The following RSRP1 variants were observed in gnomAD, a reference collection of about 807,000 sequenced individuals.
RSRP1 encodes the protein arginine and serine rich protein 1, also known as arginine/serine-rich protein 1.
In RSRP1, 37 loss-of-function variants were observed where a neutral mutation model predicts 33.0. The observed-to-expected ratio is 1.12, with a 90% CI of 0.86 to 1.48. RSRP1 has a LOEUF of 1.48. Ranked by LOEUF, RSRP1 falls within the 40% of genes most tolerant of loss-of-function variation. RSRP1 has a pLI of 0.00. For synonymous variants in RSRP1, 167 were observed against 158.7 expected, an observed-to-expected ratio of 1.05 and a Z score of -0.40; for missense variants, 402 against 385.3, an observed-to-expected ratio of 1.04 and a Z score of -0.36.
chr1:25,296,010 A>G (rs1571647335), intron 1 of RSRP1, among the ~76,000 whole-genome samples: 1 of 117,794 alleles, frequency 8.5e-6, no homozygotes. Flanking sequence ...TTACAGGCAC[A>G]CACCACCACG....
chr1:25,312,639 A>G (rs1274073686), intron 1 of RSRP1, among the ~76,000 whole-genome samples: 1 of 128,502 alleles, frequency 7.8e-6, no homozygotes, highest in Non-Finnish European at 1.8e-5. Flanking sequence ...AATTCTAGCT[A>G]CTCAGGAGGC....
chr1:25,309,005 C>T (rs182746791), intron 1 of RSRP1, among the ~76,000 whole-genome samples: 1 of 131,724 alleles, frequency 7.6e-6, no homozygotes, highest in Non-Finnish European at 1.8e-5. Flanking sequence ...ATGCTGCATC[C>T]GTATGAGGAC....
rs1280159621 is a variant in RSRP1, at chr1:25,246,877, C to G, written c.87G>C (p.Arg29=). The G allele has an allele frequency of 1.2e-6, 2 of 1,608,150 alleles. No homozygotes were observed. The highest frequency in any genetic ancestry group is 1.3e-5 in the African/African-American group (1 of 74,836). Residue 29 remains arginine (R), a synonymous_variant, in exon 2 of 5, where the codon CGG becomes CGC. Transcript: ENST00000243189. The stretch of plus-strand genomic sequence containing the variant: ...AGCGGCTCCTAGACCGCGACGACAG[C>G]CGGCTGGACCCGCCCGACCGCGAGG... ...PSTSRSGGSS[R]LSSRSRSRSF...
intron 1 of RSRP1, among the ~76,000 whole-genome samples, chr1:25,311,486 C>G (rs1472296269): frequency 2.3e-5 from 3 of 128,980 alleles, no homozygotes; most frequent in African/African-American, 7.9e-5. Flanking sequence ...GATCGCGCCA[C>G]TGCACTCCAG....
At chr1:25,302,294 G>C (rs1643448104) in intron 1 of RSRP1, among the ~76,000 whole-genome samples, 1 of 129,456 alleles carries the variant, frequency 7.7e-6, no homozygotes, top group Non-Finnish European at 1.8e-5. Context: ...TGAGAGGGGA[G>C]ACAAAACAAG....
chr1:25,262,149 T>C (rs1413235454), intron 1 of RSRP1, among the ~76,000 whole-genome samples: 1 of 152,260 alleles, frequency 6.6e-6, no homozygotes, highest in Non-Finnish European at 1.5e-5. Context: ...CTATAGTCCC[T>C]GTTATTAAGT....
intron 1 of RSRP1, among the ~76,000 whole-genome samples, chr1:25,312,580 CA>C (rs1644203980): frequency 1.6e-5 from 2 of 128,226 alleles, no homozygotes; most frequent in East Asian, 2.0e-4. Flanking sequence ...CCTGTCTCTA[CA>C]AAAAATAAAA....
Position 25,282,951 on chromosome 1 carries a change from A to T in RSRP1, c.-66-35922T>A, listed in dbSNP as rs1641629931. ...AAAATTTAAACACTAAAACTAAAAA[A>T]GTAAAACACCTCCCAAACTTAGAGA... On this transcript the variant is annotated intron_variant, in intron 1 of 1. Transcript: ENST00000561867. 1.5e-5 allele frequency among the ~76,000 whole-genome samples: 2 copies of T among 132,638 alleles called. 1 individual carries two copies. Among genetic ancestry groups the T allele is most frequent in the African/African-American group, 5.1e-5 (2 of 39,006 alleles). The allele number at this position is 132,638 out of a possible 152,430, so 87.0% of individuals were successfully genotyped here. A position where few individuals can be genotyped will look rare whatever the true frequency, so the allele number is the denominator to read the frequency against.
At chr1:25,257,177 G>T (rs947273099) in intron 1 of RSRP1, among the ~76,000 whole-genome samples, 12 of 152,174 alleles carry the variant, frequency 7.9e-5, no homozygotes, top group African/African-American at 2.4e-4. Flanking sequence ...ATGCCTTCTT[G>T]ATCTCCCAGA....
In RSRP1 at chr1:25,331,564, A is replaced by ATTT. The variant is rs71014354; in HGVS notation, c.-67+6411_-67+6413dup. Among the ~76,000 whole-genome samples, 35 of 74,348 alleles carry ATTT rather than the reference A, an allele frequency of 4.7e-4. 1 individual carries two copies. The highest frequency in any genetic ancestry group is 6.0e-4 in the Non-Finnish European group (21 of 35,202). The allele number at this position is 74,348 out of a possible 152,430, so 48.8% of individuals were successfully genotyped here. A position where few individuals can be genotyped will look rare whatever the true frequency, so the allele number is the denominator to read the frequency against. On this transcript the variant is annotated intron_variant, in intron 1 of 1. Transcript: ENST00000561867. The stretch of plus-strand genomic sequence containing the variant: ...AAGACTTTGCTCTGAGAAAAATGTG[A>ATTT]TTTTTTTTTTTTTTTTTTTTTGAGA...
At position 25,268,408 on chromosome 1, in the gene RSRP1, AC is replaced by A. The variant is rs548121654; in HGVS notation, c.-66-21380del. Among the ~76,000 whole-genome samples, 20 of 131,396 alleles carry A rather than the reference AC, an allele frequency of 1.5e-4. 3 individuals are homozygous for A. In the South Asian group the frequency reaches 4.7e-3, roughly 31 times the overall value. The allele number at this position is 131,396 out of a possible 152,430, so 86.2% of individuals were successfully genotyped here. A position where few individuals can be genotyped will look rare whatever the true frequency, so the allele number is the denominator to read the frequency against. On this transcript the variant is annotated intron_variant, in intron 1 of 1. Transcript: ENST00000561867. ...GTGGCTCATGCCTGTAGTCCCAGCTACTTGGGAGGCTGAGGAAGGAGAATCG... is the reference window on the plus strand; with the variant it reads ...GTGGCTCATGCCTGTAGTCCCAGCTATTGGGAGGCTGAGGAAGGAGAATCG...
chr1:25,257,315 AT>A lies in RSRP1; in HGVS notation c.-66-10287del, dbSNP rs554238053. 9.3e-4 allele frequency among the ~76,000 whole-genome samples: 142 copies of A among 152,296 alleles called. 1 individual carries two copies. Among genetic ancestry groups the A allele is most frequent in the African/African-American group, 3.2e-3 (132 of 41,558 alleles). On this transcript the variant is annotated intron_variant, in intron 1 of 1. Transcript: ENST00000561867. ...ATGTGTGTTTCCTCCCAGAATATAA[AT>A]TACATAAGGAGAGAAACTTGTTCTT...
intron 1 of RSRP1, chr1:25,266,201 T>C (rs1225778484): frequency 7.5e-6 from 1 of 132,700 alleles, no homozygotes; most frequent in African/African-American, 2.5e-5. Context: ...ATGTATCTTA[T>C]TAGTAAGAGT....
intron 1 of RSRP1, among the ~76,000 whole-genome samples, chr1:25,261,778 T>A (rs576285418): frequency 7.4e-5 from 11 of 149,298 alleles, no homozygotes; most frequent in African/African-American, 2.7e-4. Flanking sequence ...GTGTTATGAT[T>A]TTGGCTCACT....
rs1236216944 is a variant in RSRP1 at position 25,280,232 on chromosome 1, A to T, written c.-66-33203T>A. 1.6e-5 allele frequency among the ~76,000 whole-genome samples: 2 copies of T among 128,068 alleles called. 1 individual carries two copies. The highest frequency in any genetic ancestry group is 3.7e-5 in the Non-Finnish European group (2 of 54,722). 84.0% of individuals were successfully genotyped at this position (128,068 alleles called of 152,430 possible). On this transcript the variant is annotated intron_variant, in intron 1 of 1. Coordinates refer to the RSRP1 transcript ENST00000561867. The stretch of plus-strand genomic sequence containing the variant: ...GAAGGCCCTGAGCGCGTATACCTGG[A>T]ATCAGGGAATCGGGATCAGGGGCAG...
In RSRP1 at chr1:25,316,108, G is replaced by A. The variant is rs978539273; in HGVS notation, c.-67+21870C>T. On this transcript the variant is annotated intron_variant, in intron 1 of 1. Coordinates refer to the RSRP1 transcript ENST00000561867. ...GTGAACGGGCTGGCAGTGCCCAGGT[G>A]CAGGCTGAACCCTGGGACAATCACA... 1.4e-4 allele frequency among the ~76,000 whole-genome samples: 18 copies of A among 131,454 alleles called. 4 individuals carry two copies. Among genetic ancestry groups the A allele is most frequent in the Middle Eastern group, 8.1e-3 (2 of 248 alleles). The allele number at this position is 131,454 out of a possible 152,430, so 86.2% of individuals were successfully genotyped here.
Position 25,270,612 on chromosome 1 carries a change from CA to C in RSRP1, c.-66-23584del, listed in dbSNP as rs1314739616. On this transcript the variant is annotated intron_variant, in intron 1 of 1. Transcript: ENST00000561867. The stretch of plus-strand genomic sequence containing the variant: ...CTTTTACAAAACCCGTCCCTGGTGC[CA>C]AAAAGCTTGGGGACCCCTGATCTAG... Among the ~76,000 whole-genome samples, 3 of 132,112 alleles carry C rather than the reference CA, an allele frequency of 2.3e-5. 1 individual carries two copies. Among genetic ancestry groups the C allele is most frequent in the African/African-American group, 7.8e-5 (3 of 38,700 alleles). 86.7% of individuals were successfully genotyped at this position (132,112 alleles called of 152,430 possible).
chr1:25,301,790 T>A, intron 1 of RSRP1: 2 of 880,282 alleles, frequency 2.3e-6, no homozygotes, highest in Non-Finnish European at 3.7e-6. Context: ...GGAGAGGGCA[T>A]GCCGGGTGGT....
Position 25,282,925 on chromosome 1 carries a change from G to C in RSRP1, c.-66-35896C>G, listed in dbSNP as rs1194719524. On this transcript the variant is annotated intron_variant, in intron 1 of 1. Coordinates refer to the RSRP1 transcript ENST00000561867. ...AAAAATTGTCTACATGCTGGTTGCA[G>C]AAAATTTAAACACTAAAACTAAAAA... Among the ~76,000 whole-genome samples the C allele has an allele frequency of 1.4e-4, 19 of 131,082 alleles. 1 individual carries two copies. The highest frequency in any genetic ancestry group is 4.9e-4 in the African/African-American group (19 of 38,554). The allele number at this position is 131,082 out of a possible 152,430, so 86.0% of individuals were successfully genotyped here.
Sources: allele counts gnomAD v4.1 joint callset (sites outside exome capture counted in the v4.1 genomes callset), GRCh38; gene constraint gnomAD v4.1.1; transcripts MANE v1.5; gene names NCBI Gene and HGNC (gene_info 2026-07-23, HGNC 2026-07-21).